Variants in MPDZ observed in about 807,000 individuals in gnomAD.
MPDZ encodes multiple PDZ domain crumbs cell polarity complex component.
Under a neutral mutation model 239.1 loss-of-function variants are expected in MPDZ, and 234 were observed. The ratio of observed to expected loss-of-function variants is 0.98; its 90% CI spans 0.88 to 1.09. The LOEUF (loss-of-function observed/expected upper bound fraction) is 1.09, where lower values mean the gene tolerates loss of function less well. Among genes scored for constraint, MPDZ ranks in the 50% least tolerant of loss-of-function variants. The probability of loss-of-function intolerance (pLI) is 0.00; values close to 1 mark genes in which losing one functional copy is unlikely to be tolerated. For missense variants in MPDZ, 3,175 were observed against 2,510.0 expected (o/e 1.26, Z -5.66); for synonymous variants, 1,048 against 881.3 (o/e 1.19, Z -3.35).
chr9:13,203,341 C>G (rs887604030), intron 12 of MPDZ, among the ~76,000 whole-genome samples: 1 of 152,116 alleles, frequency 6.6e-6, no homozygotes, highest in African/African-American at 2.4e-5. Flanking sequence ...CACAGCTAGA[C>G]AGTGATTTAA....
At chr9:13,253,998 T>A (rs10738330) in intron 1 of MPDZ, among the ~76,000 whole-genome samples, 151,871 of 152,348 alleles carry the variant, frequency 1, 75,698 homozygotes, top group Middle Eastern at 1. Context: ...TGGAGCCAGG[T>A]TCTTAACACA....
At chr9:13,148,520 A>T (rs1480617210) in intron 25 of MPDZ, among the ~76,000 whole-genome samples, 1 of 152,112 alleles carries the variant, frequency 6.6e-6, no homozygotes, top group Non-Finnish European at 1.5e-5. Flanking sequence ...TAAAAGAATT[A>T]TATAGATTTA....
chr9:13,178,618 C>T (rs548776725), intron 19 of MPDZ, among the ~76,000 whole-genome samples: 2 of 152,272 alleles, frequency 1.3e-5, no homozygotes, highest in African/African-American at 2.4e-5. Flanking sequence ...AAGCATATGA[C>T]GTTAATTGAT....
intron 26 of MPDZ, among the ~76,000 whole-genome samples, chr9:13,146,407 T>C (rs1341323026): frequency 1.3e-5 from 2 of 152,104 alleles, no homozygotes; most frequent in African/African-American, 2.4e-5. Context: ...ATTTCACAAG[T>C]TAAACTGAGC....
At chr9:13,233,155 G>C (rs1428843918) in intron 3 of MPDZ, among the ~76,000 whole-genome samples, 2 of 152,050 alleles carry the variant, frequency 1.3e-5, no homozygotes, top group Admixed American at 6.6e-5. Flanking sequence ...ATCCACGAAA[G>C]CTGAATATAT....
At chr9:13,213,336 A>G (rs113615823) in intron 10 of MPDZ, among the ~76,000 whole-genome samples, 3 of 152,020 alleles carry the variant, frequency 2.0e-5, no homozygotes, top group Admixed American at 6.6e-5. Flanking sequence ...TTATAACAAA[A>G]TATTTTTAAG....
intron 32 of MPDZ, among the ~76,000 whole-genome samples, 164 bp downstream of exon 32, chr9:13,133,660 T>G (rs1051805828): frequency 2.0e-5 from 3 of 152,202 alleles, no homozygotes; most frequent in African/African-American, 7.2e-5. Flanking sequence ...GAGTTTCTCA[T>G]TAAGCAGATA....
rs748629721 is a variant in MPDZ, at chr9:13,183,501, G to A, written c.2566C>T (p.Gln856Ter). ...SPENDSIYST[Q>*]ASILSLHGSS... ...CCATGAAGAGATAAAATAGAGGCTT[G>A]AGTAGAGTAGATGCTGTCATTTTCA... Residue 856 changes from glutamine (Q) to a stop codon, truncating the protein, a stop_gained, in exon 19 of 47, where the codon CAA (glutamine) becomes TAA (stop). Transcript: ENST00000319217. LOFTEE classifies it high-confidence loss of function. 6 of 1,612,404 alleles carry A rather than the reference G, an allele frequency of 3.7e-6. No homozygotes were observed. The East Asian group carries it at 6.7e-5, about 18-fold the overall frequency.
intron 23 of MPDZ, among the ~76,000 whole-genome samples, chr9:13,158,344 T>C (rs931221879): frequency 6.6e-6 from 1 of 152,110 alleles, no homozygotes; most frequent in Non-Finnish European, 1.5e-5. Flanking sequence ...CTAAGACTCT[T>C]GTCTAGTCTG....
At chr9:13,156,185 T>A (rs1221453417) in intron 24 of MPDZ, among the ~76,000 whole-genome samples, 2 of 152,214 alleles carry the variant, frequency 1.3e-5, no homozygotes, top group East Asian at 3.9e-4. Context: ...TTCAAAAGAT[T>A]CTATTATTAA....
Position 13,115,327 on chromosome 9 carries a change from A to C in MPDZ, c.5387T>G (p.Leu1796Arg), listed in dbSNP as rs770173364. The change falls in exon 40 of 47, where the codon CTA becomes CGA. Residue 1796 changes from leucine (L) to arginine (R), a missense_variant. Leu to Arg is a moderately radical substitution (Grantham distance 102). Coordinates refer to ENST00000319217, the MANE Select transcript of MPDZ (RefSeq NM_001378778.1). The part of the protein sequence containing the change: ...EAVAALLKCS[L>R]GTVTLEVGRI... Reference sequence around the variant, plus strand: ...TCCAACTTCCAAGGTTACTGTGCCTAGGGAACACTGGGGGTGGGCATGGGG... The same window carrying C: ...TCCAACTTCCAAGGTTACTGTGCCTCGGGAACACTGGGGGTGGGCATGGGG... The C allele has an allele frequency of 5.6e-6, 9 of 1,611,828 alleles. No homozygotes were observed. In the African/African-American group the frequency reaches 1.2e-4, roughly 22 times the overall value.
intron 10 of MPDZ, among the ~76,000 whole-genome samples, chr9:13,216,437 G>T (rs900167203): frequency 1.3e-5 from 2 of 148,584 alleles, no homozygotes; most frequent in Non-Finnish European, 3.0e-5. Flanking sequence ...TACCCTAAAG[G>T]TACTGGACAT....
At chr9:13,252,906 G>A (rs886934620) in intron 1 of MPDZ, among the ~76,000 whole-genome samples, 1 of 152,058 alleles carries the variant, frequency 6.6e-6, no homozygotes, top group Admixed American at 6.6e-5. Context: ...CTAGCTATAC[G>A]CCCTTGTTAA....
chr9:13,183,377 A>C (rs1275156970), intron 19 of MPDZ, 41 bp downstream of exon 19: 1 of 1,539,584 alleles, frequency 6.5e-7, no homozygotes, highest in South Asian at 1.2e-5. Flanking sequence ...AATTACACAC[A>C]AGACTTTCCT....
intron 1 of MPDZ, among the ~76,000 whole-genome samples, chr9:13,266,871 A>G (rs556647780): frequency 6.6e-6 from 1 of 152,338 alleles, no homozygotes; most frequent in South Asian, 2.1e-4. Context: ...AAGAAGGACA[A>G]AGGCTTAAAA....
chr9:13,153,971 C>G (rs1949518150), intron 24 of MPDZ, among the ~76,000 whole-genome samples: 1 of 152,114 alleles, frequency 6.6e-6, no homozygotes, highest in Non-Finnish European at 1.5e-5. Flanking sequence ...CAGTATTATT[C>G]TCTGAGTAAG....
intron 11 of MPDZ, among the ~76,000 whole-genome samples, chr9:13,205,453 A>C (rs1033601789): frequency 6.6e-5 from 10 of 152,202 alleles, no homozygotes; most frequent in Admixed American, 5.9e-4. Flanking sequence ...AGACATATTC[A>C]TGTACAAACA....
chr9:13,217,213 T>C lies in MPDZ; in HGVS notation c.1168A>G (p.Thr390Ala), dbSNP rs1958462365. ...TTATCTCCAATGTAGCCAGCAATGGTAATTCCTAATCCTTGGACATTTTTA... is the reference window on the plus strand; with the variant it reads ...TTATCTCCAATGTAGCCAGCAATGGCAATTCCTAATCCTTGGACATTTTTA... ...LTKNVQGLGITIAGYIGDKKL... is the reference protein window; with the variant it reads ...LTKNVQGLGIAIAGYIGDKKL... Residue 390 changes from threonine (T) to alanine (A), a missense_variant, in exon 9 of 47, where the codon ACC becomes GCC. By Grantham distance (58) the Thr-to-Ala change is moderately conservative. Transcript: ENST00000319217. The C allele has an allele frequency of 6.2e-7, 1 of 1,600,554 alleles. No homozygotes were observed. Among genetic ancestry groups the C allele is most frequent in the Non-Finnish European group, 8.5e-7 (1 of 1,173,984 alleles).
intron 1 of MPDZ, among the ~76,000 whole-genome samples, chr9:13,270,543 T>C (rs1972732943): frequency 6.6e-6 from 1 of 151,598 alleles, no homozygotes; most frequent in South Asian, 2.1e-4. Flanking sequence ...AGACATGGCA[T>C]ATTTTGGAGA....
Sources: gnomAD v4.1 joint callset for allele counts (sites outside exome capture counted in the v4.1 genomes callset) on GRCh38, gnomAD v4.1.1 for gene constraint, MANE v1.5 for transcripts, NCBI Gene and HGNC (gene_info 2026-07-23, HGNC 2026-07-21) for gene names.